The following ARL15 variants were observed in gnomAD, a reference collection of about 807,000 sequenced individuals.
ARL15 encodes the protein ARF like GTPase 15.
Under a neutral mutation model 25.2 loss-of-function variants are expected in ARL15, and 19 were observed. The observed-to-expected ratio is 0.75, with a 90% CI of 0.53 to 1.10. ARL15 has a LOEUF of 1.10. ARL15 is among the 50% of genes least tolerant of loss of function. The probability of loss-of-function intolerance (pLI) is 0.00; values close to 1 mark genes in which losing one functional copy is unlikely to be tolerated. For synonymous variants in ARL15, 94 were observed against 86.8 expected, an observed-to-expected ratio of 1.08 and a Z score of -0.46; for missense variants, 220 against 246.0, an observed-to-expected ratio of 0.89 and a Z score of 0.71.
chr5:54,010,714 A>AC (rs1749208487), intron 4 of ARL15, among the ~76,000 whole-genome samples: 1 of 152,190 alleles, frequency 6.6e-6, no homozygotes, highest in South Asian at 2.1e-4. Context: ...AAATAAAAAA[A>AC]ATTTTAAAAA....
At chr5:54,035,423 A>T (rs1229240768) in intron 4 of ARL15, among the ~76,000 whole-genome samples, 4 of 152,222 alleles carry the variant, frequency 2.6e-5, no homozygotes, top group Non-Finnish European at 4.4e-5. Context: ...AATAAAACAC[A>T]TATCCTTATA....
chr5:54,150,028 A>G (rs567042449), intron 3 of ARL15, among the ~76,000 whole-genome samples: 23 of 152,298 alleles, frequency 1.5e-4, no homozygotes, highest in African/African-American at 2.2e-4. Flanking sequence ...GCCTAAATGG[A>G]TATCTGTTCT....
chr5:54,197,182 ATTGT>A (rs1457123289), intron 1 of ARL15, among the ~76,000 whole-genome samples: 1 of 152,050 alleles, frequency 6.6e-6, no homozygotes, highest in Non-Finnish European at 1.5e-5. Flanking sequence ...CAGAGTCCAA[ATTGT>A]TTGAACATCT....
chr5:54,026,550 G>A (rs1749792178), intron 4 of ARL15, among the ~76,000 whole-genome samples: 1 of 152,204 alleles, frequency 6.6e-6, no homozygotes, highest in Non-Finnish European at 1.5e-5. Flanking sequence ...AATTACAGGT[G>A]TGAGCCAGTG....
intron 1 of ARL15, among the ~76,000 whole-genome samples, chr5:54,232,199 A>G (rs1045905756): frequency 2.0e-5 from 3 of 152,182 alleles, no homozygotes; most frequent in Non-Finnish European, 4.4e-5. Flanking sequence ...CTGGGATTAG[A>G]GGCCCTCACC....
At chr5:54,180,499 G>A (rs1179635069) in intron 1 of ARL15, among the ~76,000 whole-genome samples, 4 of 152,194 alleles carry the variant, frequency 2.6e-5, no homozygotes, top group Non-Finnish European at 4.4e-5. Flanking sequence ...ACTTCTCCAC[G>A]TTCCAAGAGC....
intron 3 of ARL15, among the ~76,000 whole-genome samples, chr5:54,134,220 C>T (rs954676124): frequency 2.0e-5 from 3 of 152,188 alleles, no homozygotes; most frequent in Admixed American, 6.5e-5. Context: ...TAATTCTCAG[C>T]TCCTTTTGGA....
chr5:54,259,233 C>CGTA (rs1301219078), intron 1 of ARL15, among the ~76,000 whole-genome samples: 1 of 152,196 alleles, frequency 6.6e-6, no homozygotes, highest in African/African-American at 2.4e-5. Context: ...CCCACATACA[C>CGTA]ACACATACTC....
chr5:54,123,569 A>G (rs1753156641), intron 3 of ARL15, among the ~76,000 whole-genome samples: 1 of 152,222 alleles, frequency 6.6e-6, no homozygotes, highest in Non-Finnish European at 1.5e-5. Context: ...CCTATTTCAG[A>G]CAATTCGAAA....
intron 4 of ARL15, among the ~76,000 whole-genome samples, chr5:54,069,684 G>T (rs1751359345): frequency 6.6e-6 from 1 of 150,762 alleles, no homozygotes; most frequent in African/African-American, 2.4e-5. Context: ...GTTTCACTCA[G>T]TCACCCACGC....
chr5:54,126,894 C>T (rs1753270776), intron 3 of ARL15, among the ~76,000 whole-genome samples: 1 of 151,816 alleles, frequency 6.6e-6, no homozygotes. Context: ...TACATGTGCA[C>T]AATGTGCAGG....
chr5:54,263,671 CATCT>C (rs1406953445), intron 1 of ARL15, among the ~76,000 whole-genome samples: 3 of 152,208 alleles, frequency 2.0e-5, no homozygotes, highest in Admixed American at 6.5e-5. Flanking sequence ...TGCATCCATC[CATCT>C]GAGAAATGAT....
chr5:54,128,767 G>A (rs567859186), intron 3 of ARL15, among the ~76,000 whole-genome samples: 91 of 146,878 alleles, frequency 6.2e-4, no homozygotes, highest in South Asian at 1.5e-3. Context: ...GTGCAATGGC[G>A]CAATCTCAGC....
At position 54,171,902 on chromosome 5, in the gene ARL15, T is replaced by A; in HGVS notation, c.75A>T (p.Gly25=). The change falls in exon 2 of 5, where the codon GGA becomes GGT. Residue 25 remains glycine (G), a synonymous_variant. Transcript: ENST00000504924. The stretch of plus-strand genomic sequence containing the variant: ...CATATTCTGGTCGTGCAGGTGGTGG[T>A]CCCTTGCAGCAAAGTGCTCTAAAAC... The part of the protein sequence containing the change: ...YLCFRALCCK[G]PPPARPEYDL... The A allele has an allele frequency of 6.2e-7, 1 of 1,613,310 alleles. No individual in the cohort carries two copies. Among genetic ancestry groups the A allele is most frequent in the South Asian group, 1.1e-5 (1 of 91,044 alleles).
intron 1 of ARL15, among the ~76,000 whole-genome samples, chr5:54,249,037 T>TA (rs1398522020): frequency 1.3e-5 from 2 of 150,880 alleles, no homozygotes; most frequent in Admixed American, 6.6e-5. Flanking sequence ...ACCCTGTCTC[T>TA]AAAAAAAATA....
chr5:54,030,218 T>C (rs557477745), intron 4 of ARL15, among the ~76,000 whole-genome samples: 27 of 152,170 alleles, frequency 1.8e-4, no homozygotes, highest in African/African-American at 6.3e-4. Context: ...AGTGGAAAAG[T>C]ACCTGCTATA....
chr5:53,982,246 T>A (rs1396133544), intron 4 of ARL15, among the ~76,000 whole-genome samples: 1 of 151,812 alleles, frequency 6.6e-6, no homozygotes, highest in Non-Finnish European at 1.5e-5. Flanking sequence ...GCAGGTTTGT[T>A]ACATAGGTAT....
At chr5:53,995,999 C>T in intron 4 of ARL15, among the ~76,000 whole-genome samples, 1 of 152,168 alleles carries the variant, frequency 6.6e-6, no homozygotes, top group Non-Finnish European at 1.5e-5. Flanking sequence ...TATAACTTTA[C>T]TTCCTTGTCT....
At chr5:54,129,339 T>C (rs1281810914) in intron 3 of ARL15, among the ~76,000 whole-genome samples, 1 of 151,730 alleles carries the variant, frequency 6.6e-6, no homozygotes, top group Non-Finnish European at 1.5e-5. Context: ...AAACCTGGCA[T>C]AGAAAAAAAA....
Sources: allele counts gnomAD v4.1 joint callset (sites outside exome capture counted in the v4.1 genomes callset), GRCh38; gene constraint gnomAD v4.1.1; transcripts MANE v1.5; gene names NCBI Gene and HGNC (gene_info 2026-07-23, HGNC 2026-07-21).